ASPM: variants seen among roughly 807,000 people sequenced by gnomAD.
ASPM encodes the protein abnormal spindle-like microcephaly-associated protein.
In ASPM, 256 loss-of-function variants were observed where a neutral mutation model predicts 366.4. The observed-to-expected ratio is 0.70, with a 90% CI of 0.63 to 0.77. The LOEUF is 0.77. Among genes scored for constraint, ASPM ranks in the 30% least tolerant of loss-of-function variants. ASPM has a pLI of 0.00. For missense variants in ASPM, 4,146 were observed against 4,090.4 expected (o/e 1.01, Z -0.37); for synonymous variants, 1,414 against 1,342.9 (o/e 1.05, Z -1.16).
chr1:197,107,993 C>G (rs1480202731), intron 17 of ASPM, among the ~76,000 whole-genome samples: 1 of 152,052 alleles, frequency 6.6e-6, no homozygotes. Flanking sequence ...ATATACCAAC[C>G]TCTGACCATG....
At chr1:197,095,744 T>C (rs1656949379) in intron 19 of ASPM, among the ~76,000 whole-genome samples, 1 of 138,914 alleles carries the variant, frequency 7.2e-6, no homozygotes, top group Non-Finnish European at 1.6e-5. Flanking sequence ...CTAATCCTTA[T>C]GAACCTGAAT....
At chr1:197,130,114 G>A in intron 7 of ASPM, 58 bp from the exon 8 acceptor site, 1 of 1,564,538 alleles carries the variant, frequency 6.4e-7, no homozygotes, top group Admixed American at 1.7e-5. Flanking sequence ...ACAAAGGGAA[G>A]TGACTGAGGA....
Position 197,129,453 on chromosome 1 carries a change from G to A in ASPM, c.2630-136C>T, listed in dbSNP as rs1353360605. 9.9e-6 allele frequency: 9 copies of A among 906,556 alleles called. No individual in the cohort carries two copies. The African/African-American group carries it at 1.5e-4, about 15-fold the overall frequency. 56.2% of individuals were successfully genotyped at this position (906,556 alleles called of 1,614,324 possible). A position where few individuals can be genotyped will look rare whatever the true frequency, so the allele number is the denominator to read the frequency against. On this transcript the variant is annotated intron_variant, in intron 8 of 27. Transcript: ENST00000367409. ...AGCAAGCACAAATAAAACACTATGTGCCTTTTTTAGTGCTTTATGTGTATA... is the reference window on the plus strand; with the variant it reads ...AGCAAGCACAAATAAAACACTATGTACCTTTTTTAGTGCTTTATGTGTATA...
intron 1 of ASPM, among the ~76,000 whole-genome samples, chr1:197,145,867 T>TATATATATATATATAA (rs1658759940): frequency 1.4e-5 from 2 of 143,882 alleles, no homozygotes; most frequent in African/African-American, 5.3e-5. Context: ...TATATATATA[T>TATATATATATATATAA]AATATTGACA....
chr1:197,117,565 C>A (rs1657773646), intron 17 of ASPM, among the ~76,000 whole-genome samples: 1 of 152,090 alleles, frequency 6.6e-6, no homozygotes, highest in Admixed American at 6.6e-5. Context: ...GCAACAGGTA[C>A]AGAATTAGAA....
intron 10 of ASPM, among the ~76,000 whole-genome samples, chr1:197,125,757 T>C (rs1182787372): frequency 1.3e-5 from 2 of 152,030 alleles, no homozygotes; most frequent in East Asian, 1.9e-4. Context: ...TAAAAATATA[T>C]GTATATATAC....
intron 25 of ASPM, 115 bp downstream of exon 25, chr1:197,089,815 A>T (rs1370844628): frequency 2.0e-6 from 2 of 998,380 alleles, no homozygotes; most frequent in Non-Finnish European, 3.1e-6. Context: ...AGACTCTTGC[A>T]CATAAATGAA....
chr1:197,145,536 A>C (rs1658737887), intron 1 of ASPM, among the ~76,000 whole-genome samples: 1 of 152,156 alleles, frequency 6.6e-6, no homozygotes, highest in Non-Finnish European at 1.5e-5. Context: ...CCGGAAAAAA[A>C]AACCAGTTAC....
rs147420907 is a variant in ASPM, at chr1:197,144,048, C to T, written c.350G>A (p.Arg117Gln). 112 of 1,610,610 alleles carry T rather than the reference C, an allele frequency of 7.0e-5. No individual in the cohort carries two copies. Among genetic ancestry groups the T allele is most frequent in the Non-Finnish European group, 8.7e-5 (103 of 1,177,242 alleles). ...SVNWTPLKEGRVREIMTFLVN... is the reference protein window; with the variant it reads ...SVNWTPLKEGQVREIMTFLVN... ...AAGAAATGTCATAATCTCTCTTACT[C>T]GGCCTTCTTTGAGTGGTGTCCAGTT... The change falls in exon 2 of 28, where the codon CGA becomes CAA. Residue 117 changes from arginine to glutamine, a missense_variant. Transcript: ENST00000367409.
chr1:197,102,415 C>A lies in ASPM; in HGVS notation c.6836G>T (p.Arg2279Ile), dbSNP rs1557946182. ...IQRRFRTLMM[R>I]RRFLSLKKTA... The stretch of plus-strand genomic sequence containing the variant: ...TTTCTTGAGAGAGAGGAATCTTCTT[C>A]TCATCATTAGAGTTCTAAATCTCCT... Residue 2279 changes from arginine to isoleucine, a missense_variant, in exon 18 of 28, where the codon AGA becomes ATA. Physicochemically the swap from Arg to Ile is moderately conservative, Grantham distance 97. Coordinates refer to ENST00000367409, the MANE Select transcript of ASPM (RefSeq NM_018136.5). The A allele has an allele frequency of 1.2e-6, 2 of 1,612,544 alleles. No homozygotes were observed. Among genetic ancestry groups the A allele is most frequent in the Non-Finnish European group, 1.7e-6 (2 of 1,179,254 alleles).
In ASPM at chr1:197,105,421, G is replaced by T. The variant is rs775370139; in HGVS notation, c.4066-236C>A. On this transcript the variant is annotated intron_variant, in intron 17 of 27. Transcript: ENST00000367409. ...TTCATTATATTTAAATACTGCATTT[G>T]TATGCCAGAATCATAAGAAACATAA... 4.3e-4 allele frequency among the ~76,000 whole-genome samples: 66 copies of T among 151,928 alleles called. 1 individual carries two copies. The highest frequency in any genetic ancestry group is 1.5e-4 in the Non-Finnish European group (10 of 67,938).
In ASPM at chr1:197,101,218, C is replaced by T; in HGVS notation, c.8033G>A (p.Gly2678Asp). The T allele has an allele frequency of 6.2e-7, 1 of 1,612,206 alleles. No individual in the cohort carries two copies. Among genetic ancestry groups the T allele is most frequent in the East Asian group, 2.2e-5 (1 of 44,742 alleles). Residue 2678 changes from glycine to aspartate, a missense_variant, in exon 18 of 28, where the codon GGC becomes GAC. Coordinates refer to ENST00000367409, the MANE Select transcript of ASPM (RefSeq NM_018136.5). ...AVICIQSYYR[G>D]FKVRKDIQNM... ...TTGAATATCCTTTCGTACTTTAAAG[C>T]CTCTGTAATAAGACTGTATACAAAT...
rs1001464336 is a variant in ASPM, at chr1:197,102,147, G to A, written c.7104C>T (p.Tyr2368=). The change falls in exon 18 of 28, where the codon TAC becomes TAT. Residue 2368 remains tyrosine, a synonymous_variant. Coordinates refer to ENST00000367409, the MANE Select transcript of ASPM (RefSeq NM_018136.5). ...KQASVVIQQQ[Y]QANRAAKLQR... ...GCAGTTTTGCAGCTCTATTTGCTTG[G>A]TATTGCTGTTGGATCACAACGGAGG... 1.2e-6 allele frequency: 2 copies of A among 1,612,758 alleles called. No individual in the cohort carries two copies. The highest frequency in any genetic ancestry group is 2.7e-5 in the African/African-American group (2 of 74,782).
chr1:197,103,421 A>G lies in ASPM; in HGVS notation c.5830T>C (p.Tyr1944His). The G allele has an allele frequency of 6.2e-7, 1 of 1,613,230 alleles. No homozygotes were observed. Among genetic ancestry groups the G allele is most frequent in the Non-Finnish European group, 8.5e-7 (1 of 1,179,508 alleles). Residue 1944 changes from tyrosine (Y) to histidine (H), a missense_variant, in exon 18 of 28, where the codon TAT becomes CAT. Physicochemically the swap from Tyr to His is moderately conservative, Grantham distance 83. Coordinates refer to ENST00000367409, the MANE Select transcript of ASPM (RefSeq NM_018136.5). ...AGTACCGCATGACGGAGTTCAATAT[A>G]CTCCATACATTGCTTCCTTCCTGCA... ...WTAGRKQCMEYIELRHAVLVL... is the reference protein window; with the variant it reads ...WTAGRKQCMEHIELRHAVLVL...
intron 16 of ASPM, among the ~76,000 whole-genome samples, chr1:197,120,609 T>C (rs1657878810): frequency 1.3e-5 from 2 of 152,136 alleles, no homozygotes; most frequent in Non-Finnish European, 2.9e-5. Context: ...ATCTATCTCT[T>C]GTAATTCTAA....
At position 197,139,716 on chromosome 1, in the gene ASPM, G is replaced by A. The variant is rs769100518; in HGVS notation, c.2026+51C>T. On this transcript the variant is annotated intron_variant, in intron 4 of 27. Transcript: ENST00000367409. ...CATTTCCATGTGAAATGCAATTAATGCTTCATTCGATGTCATGTTTTCAGA... is the reference window on the plus strand; with the variant it reads ...CATTTCCATGTGAAATGCAATTAATACTTCATTCGATGTCATGTTTTCAGA... 5 of 1,325,896 alleles carry A rather than the reference G, an allele frequency of 3.8e-6. No homozygotes were observed. The African/African-American group carries it at 7.2e-5, about 19-fold the overall frequency. 82.1% of individuals were successfully genotyped at this position (1,325,896 alleles called of 1,614,324 possible).
In ASPM at chr1:197,105,035, C is replaced by A. The variant is rs145662604; in HGVS notation, c.4216G>T (p.Ala1406Ser). The part of the protein sequence containing the change: ...ATVTIQRHWR[A>S]YLRRKQDQQR... ...TGATCTTGTTTTCTTCTTAAATAAGCACGCCAATGCCTCTGAATTGTAACT... is the reference window on the plus strand; with the variant it reads ...TGATCTTGTTTTCTTCTTAAATAAGAACGCCAATGCCTCTGAATTGTAACT... The change falls in exon 18 of 28, where the codon GCT becomes TCT. Residue 1406 changes from alanine (A) to serine (S), a missense_variant. Physicochemically the swap from Ala to Ser is moderately conservative, Grantham distance 99. Transcript: ENST00000367409. The A allele has an allele frequency of 6.2e-7, 1 of 1,609,928 alleles. No homozygotes were observed. The highest frequency in any genetic ancestry group is 1.3e-5 in the African/African-American group (1 of 74,676).
chr1:197,091,228 CTGTG>C (rs35277950), intron 22 of ASPM, among the ~76,000 whole-genome samples, 187 bp from the exon 23 acceptor site: 135 of 150,670 alleles, frequency 9.0e-4, no homozygotes, highest in African/African-American at 1.2e-3. Flanking sequence ...TGTTGGGTGC[CTGTG>C]TGTGTGTGTG....
At chr1:197,090,471 AT>A in intron 23 of ASPM, 83 bp from the exon 24 acceptor site, 1 of 1,100,002 alleles carries the variant, frequency 9.1e-7, no homozygotes, top group Admixed American at 2.6e-5. Context: ...CAATGTAAAC[AT>A]TTTCAGTAAA....
Sources: allele counts gnomAD v4.1 joint callset (sites outside exome capture counted in the v4.1 genomes callset), GRCh38; gene constraint gnomAD v4.1.1; transcripts MANE v1.5; gene names NCBI Gene and HGNC (gene_info 2026-07-23, HGNC 2026-07-21).